SEMA3A: variants seen among roughly 807,000 people sequenced by gnomAD.
The protein encoded by SEMA3A is semaphorin 3A.
SEMA3A carries 29 observed loss-of-function variants against 97.9 expected under a neutral mutation model. The observed-to-expected ratio is 0.30, with a 90% CI of 0.22 to 0.40. The LOEUF (loss-of-function observed/expected upper bound fraction) is 0.40. Among genes scored for constraint, SEMA3A ranks in the 10% least tolerant of loss-of-function variants. SEMA3A has a pLI of 1.00. For missense variants in SEMA3A, 763 were observed against 951.3 expected (o/e 0.80, Z 2.60); for synonymous variants, 321 against 323.7 (o/e 0.99, Z 0.09).
chr7:84,238,239 G>A (rs1799280124), intron 3 of SEMA3A, among the ~76,000 whole-genome samples: 1 of 151,952 alleles, frequency 6.6e-6, no homozygotes, highest in Admixed American at 6.6e-5. Flanking sequence ...GCTAATTTTT[G>A]TATTTTTAGT....
intron 4 of SEMA3A, among the ~76,000 whole-genome samples, chr7:84,064,917 G>T (rs1473120757): frequency 4.3e-4 from 65 of 152,342 alleles, no homozygotes; most frequent in Middle Eastern, 3.4e-3. Context: ...GCGCCAAGCG[G>T]ACCTAATAGA....
At chr7:84,213,179 G>T (rs938868865) in intron 3 of SEMA3A, among the ~76,000 whole-genome samples, 1 of 152,076 alleles carries the variant, frequency 6.6e-6, no homozygotes, top group African/African-American at 2.4e-5. Flanking sequence ...GTTTCTCCAT[G>T]TTGGTCAGGC....
At chr7:84,394,168 A>G (rs1301004839) in intron 1 of SEMA3A, among the ~76,000 whole-genome samples, 1 of 104,528 alleles carries the variant, frequency 9.6e-6, no homozygotes, top group Admixed American at 1.1e-4. Flanking sequence ...TAGAAATAAA[A>G]TAGGTATGTT....
In SEMA3A at chr7:84,151,114, A is replaced by C. The variant is rs923317929; in HGVS notation, c.113-16163T>G. On this transcript the variant is annotated intron_variant, in intron 1 of 16. Transcript: ENST00000265362. ...TACATCACCATCATCAAAGACCAAA[A>C]GTAGATAAAACCACAAAGATGGGGA... 1.9e-3 allele frequency among the ~76,000 whole-genome samples: 281 copies of C among 149,988 alleles called. 1 individual carries two copies. The highest frequency in any genetic ancestry group is 3.6e-3 in the Middle Eastern group (1 of 278).
Position 83,959,671 on chromosome 7 carries a change from A to C in SEMA3A, c.*1700T>G, listed in dbSNP as rs1251738923. 1 of 152,036 alleles carries C rather than the reference A, an allele frequency of 6.6e-6. No homozygotes were observed. Among genetic ancestry groups the C allele is most frequent in the Admixed American group, 6.6e-5 (1 of 15,260 alleles). 9.4% of individuals were successfully genotyped at this position (152,036 alleles called of 1,614,324 possible). A position where few individuals can be genotyped will look rare whatever the true frequency, so the allele number is the denominator to read the frequency against. On this transcript the variant is annotated 3_prime_UTR_variant, in exon 17 of 17. Transcript: ENST00000265362. ...TGAGGTGAGAAATTGATGCTGAGTT[A>C]ATTAGAATCCAAAGACAGCTAGAGT... is the stretch of plus-strand genomic sequence containing the variant.
At position 84,426,861 on chromosome 7, in the gene SEMA3A, T is replaced by C. The variant is rs146733071; in HGVS notation, c.-245-54961A>G. ...TTTCTTAATCTCCTTTGGAAGGTGA[T>C]AACTTCAGTGTTGGTACATATGCTA... is the stretch of plus-strand genomic sequence containing the variant. On this transcript the variant is annotated intron_variant, in intron 1 of 3. Transcript: ENST00000424555. 4.1e-3 allele frequency among the ~76,000 whole-genome samples: 618 copies of C among 152,296 alleles called. 5 individuals carry two copies. The highest frequency in any genetic ancestry group is 0.014 in the African/African-American group (591 of 41,572).
intron 1 of SEMA3A, among the ~76,000 whole-genome samples, chr7:84,378,703 A>G (rs1803173683): frequency 6.6e-6 from 1 of 152,176 alleles, no homozygotes; most frequent in Non-Finnish European, 1.5e-5. Flanking sequence ...AACTTAAAGT[A>G]TAATGTTAAA....
At chr7:84,394,300 T>C (rs1025242481) in intron 1 of SEMA3A, among the ~76,000 whole-genome samples, 2 of 152,130 alleles carry the variant, frequency 1.3e-5, no homozygotes, top group South Asian at 2.1e-4. Flanking sequence ...TTAACTTCTA[T>C]GTGTTGATTG....
At chr7:84,112,561 G>T (rs899819720) in intron 3 of SEMA3A, among the ~76,000 whole-genome samples, 2 of 152,078 alleles carry the variant, frequency 1.3e-5, no homozygotes, top group African/African-American at 2.4e-5. Context: ...GAAGACTTGT[G>T]AACAAAACAA....
intron 3 of SEMA3A, among the ~76,000 whole-genome samples, chr7:84,201,676 A>G (rs1798361684): frequency 6.6e-6 from 1 of 152,098 alleles, no homozygotes; most frequent in Non-Finnish European, 1.5e-5. Context: ...TTTTTCTTAG[A>G]GCATATCCAT....
chr7:84,437,892 C>T (rs780609842), intron 1 of SEMA3A, among the ~76,000 whole-genome samples: 3 of 151,784 alleles, frequency 2.0e-5, no homozygotes, highest in Admixed American at 6.6e-5. Context: ...TTCCTCAAGC[C>T]GATATGGCAC....
intron 1 of SEMA3A, among the ~76,000 whole-genome samples, chr7:84,453,560 A>G (rs965849264): frequency 1.3e-5 from 2 of 152,092 alleles, no homozygotes; most frequent in African/African-American, 4.8e-5. Flanking sequence ...ATTGAGTGAT[A>G]GAGACAATGC....
intron 6 of SEMA3A, among the ~76,000 whole-genome samples, chr7:84,037,384 G>A (rs1246083289): frequency 6.6e-6 from 1 of 152,020 alleles, no homozygotes; most frequent in Non-Finnish European, 1.5e-5. Flanking sequence ...CTGGAGTGCA[G>A]TGGCATGATC....
chr7:84,490,533 A>G (rs1806696643), intron 1 of SEMA3A, among the ~76,000 whole-genome samples: 1 of 152,168 alleles, frequency 6.6e-6, no homozygotes, highest in African/African-American at 2.4e-5. Flanking sequence ...TTGGATAAAG[A>G]GTAAAATTTT....
At chr7:84,491,926 T>C (rs1425186282) in intron 1 of SEMA3A, among the ~76,000 whole-genome samples, 1 of 152,172 alleles carries the variant, frequency 6.6e-6, no homozygotes, top group Admixed American at 6.6e-5. Flanking sequence ...TACAACCTAA[T>C]ACTCTTTTAG....
chr7:84,332,254 C>T (rs1255979476), intron 2 of SEMA3A, among the ~76,000 whole-genome samples: 1 of 152,034 alleles, frequency 6.6e-6, no homozygotes, highest in African/African-American at 2.4e-5. Flanking sequence ...GTCCCAACGA[C>T]TCATTTCCAG....
chr7:84,310,127 T>A (rs531193608), intron 2 of SEMA3A, among the ~76,000 whole-genome samples: 1 of 152,232 alleles, frequency 6.6e-6, no homozygotes, highest in South Asian at 2.1e-4. Context: ...GTATCTCTAT[T>A]CCACATTGAC....
At chr7:84,147,358 C>T (rs1796492804) in intron 1 of SEMA3A, among the ~76,000 whole-genome samples, 1 of 152,302 alleles carries the variant, frequency 6.6e-6, no homozygotes, top group East Asian at 1.9e-4. Context: ...TCACTTCCAT[C>T]CCAAGATACA....
chr7:84,416,413 C>A (rs1380135372), intron 1 of SEMA3A, among the ~76,000 whole-genome samples: 1 of 152,016 alleles, frequency 6.6e-6, no homozygotes, highest in East Asian at 1.9e-4. Context: ...TTCCTAGTCT[C>A]AGGTATGTGT....
Sources: gnomAD v4.1 joint callset for allele counts (sites outside exome capture counted in the v4.1 genomes callset) on GRCh38, gnomAD v4.1.1 for gene constraint, MANE v1.5 for transcripts, NCBI Gene and HGNC (gene_info 2026-07-23, HGNC 2026-07-21) for gene names.